SP100: variants seen among roughly 807,000 people sequenced by gnomAD.
SP100 encodes the protein SP100 nuclear body protein.
In SP100, 84 loss-of-function variants were observed where a neutral mutation model predicts 130.0. The observed-to-expected ratio is 0.65, with a 90% CI of 0.54 to 0.77. SP100 has a LOEUF of 0.77. Among genes scored for constraint, SP100 ranks in the 30% least tolerant of loss-of-function variants. SP100 has a pLI of 0.00. For missense variants in SP100, 978 were observed against 1,052.2 expected (o/e 0.93, Z 0.97); for synonymous variants, 331 against 351.7 (o/e 0.94, Z 0.66).
chr2:230,463,000 A>G (rs1023093601), intron 10 of SP100, among the ~76,000 whole-genome samples: 5 of 152,266 alleles, frequency 3.3e-5, no homozygotes, highest in African/African-American at 1.2e-4. Context: ...GAGATAAAGT[A>G]TTCTGAAACT....
intron 6 of SP100, 39 bp downstream of exon 6, chr2:230,449,189 C>G: frequency 6.2e-7 from 1 of 1,609,506 alleles, no homozygotes; most frequent in Non-Finnish European, 8.5e-7. Context: ...CTCTGCTATT[C>G]TTGCCCCTTT....
intron 24 of SP100, among the ~76,000 whole-genome samples, chr2:230,514,533 T>G (rs1056229992): frequency 1.3e-5 from 2 of 152,224 alleles, no homozygotes; most frequent in Non-Finnish European, 1.5e-5. Flanking sequence ...AACTATGCTA[T>G]AATTTTCTTC....
Position 230,477,006 on chromosome 2 carries a change from C to G in SP100, c.1600+2559C>G, listed in dbSNP as rs182689937. Among the ~76,000 whole-genome samples, 145 of 152,106 alleles carry G rather than the reference C, an allele frequency of 9.5e-4. 1 individual carries two copies. Among genetic ancestry groups the G allele is most frequent in the African/African-American group, 3.4e-3 (142 of 41,482 alleles). ...TCAGCCTCCCGAGTAGCTAGGATTA[C>G]AGGTACCTGCCACCACACCCGGCTA... On this transcript the variant is annotated intron_variant, in intron 17 of 28. Transcript: ENST00000340126.
intron 24 of SP100, among the ~76,000 whole-genome samples, chr2:230,526,906 C>T (rs527276189): frequency 6.6e-6 from 1 of 152,204 alleles, no homozygotes; most frequent in African/African-American, 2.4e-5. Context: ...ACAAAGCCTC[C>T]AAGAAATATG....
At chr2:230,480,442 T>C (rs144953643) in intron 17 of SP100, among the ~76,000 whole-genome samples, 89 of 152,372 alleles carry the variant, frequency 5.8e-4, no homozygotes, top group African/African-American at 2.0e-3. Flanking sequence ...TTGCTCTTTG[T>C]CATAAGTAAT....
At chr2:230,522,784 C>G (rs1385060749) in intron 24 of SP100, among the ~76,000 whole-genome samples, 3 of 151,346 alleles carry the variant, frequency 2.0e-5, no homozygotes, top group Middle Eastern at 7.0e-3. Context: ...CACTGGCACC[C>G]AGCCCCAGTG....
chr2:230,449,584 C>T lies in SP100; in HGVS notation c.610C>T (p.Leu204Phe). Residue 204 changes from leucine (L) to phenylalanine (F), a missense_variant, in exon 7 of 29, where the codon CTC becomes TTC. Coordinates refer to ENST00000340126, the MANE Select transcript of SP100 (RefSeq NM_001080391.2). ...HAGTTPPENGLSEHPCETEQI... is the reference protein window; with the variant it reads ...HAGTTPPENGFSEHPCETEQI... ...AGGTACAACCCCACCTGAAAATGGA[C>T]TCTCAGAGCACCCCTGTGAAACAGA... 1 of 1,614,082 alleles carries T rather than the reference C, an allele frequency of 6.2e-7. No homozygotes were observed. Among genetic ancestry groups the T allele is most frequent in the Non-Finnish European group, 8.5e-7 (1 of 1,179,982 alleles).
At chr2:230,416,387 C>T (rs1046560689) in intron 1 of SP100, 59 bp downstream of exon 1, 2 of 1,457,942 alleles carry the variant, frequency 1.4e-6, no homozygotes, top group Non-Finnish European at 1.9e-6. Flanking sequence ...AGCTTTCATG[C>T]CTTTAGTTCA....
chr2:230,504,444 A>G (rs1186955018), intron 21 of SP100, among the ~76,000 whole-genome samples, 154 bp downstream of exon 21: 3 of 152,278 alleles, frequency 2.0e-5, no homozygotes, highest in Non-Finnish European at 4.4e-5. Flanking sequence ...GGACATCATC[A>G]CATTTACAGC....
chr2:230,518,252 C>G (rs940482028), intron 24 of SP100, among the ~76,000 whole-genome samples: 29 of 152,046 alleles, frequency 1.9e-4, no homozygotes, highest in African/African-American at 6.7e-4. Flanking sequence ...TTAAATAACC[C>G]CTGAATTAAA....
chr2:230,500,840 C>T (rs2066980654), intron 19 of SP100, among the ~76,000 whole-genome samples: 11 of 152,162 alleles, frequency 7.2e-5, no homozygotes, highest in Admixed American at 7.2e-4. Flanking sequence ...GTCTTTGAAA[C>T]TGATCGATCT....
At chr2:230,497,379 G>T (rs1485286899) in intron 18 of SP100, among the ~76,000 whole-genome samples, 1 of 148,030 alleles carries the variant, frequency 6.8e-6, no homozygotes, top group Admixed American at 7.0e-5. Flanking sequence ...TATAAAGAAA[G>T]AAAGGAAAGA....
At chr2:230,509,736 T>C (rs1690433354) in intron 23 of SP100, 1 of 152,182 alleles carries the variant, frequency 6.6e-6, no homozygotes. Context: ...GCTTATAAGT[T>C]TTTTGTTAAA....
intron 20 of SP100, among the ~76,000 whole-genome samples, chr2:230,503,401 T>A (rs2067145066): frequency 6.6e-6 from 1 of 152,202 alleles, no homozygotes; most frequent in East Asian, 1.9e-4. Context: ...CATGTGACAA[T>A]TTGATACTTT....
At position 230,540,888 on chromosome 2, in the gene SP100, T is replaced by C; in HGVS notation, c.2223T>C (p.Ser741=). 1 of 1,611,354 alleles carries C rather than the reference T, an allele frequency of 6.2e-7. No homozygotes were observed. Among genetic ancestry groups the C allele is most frequent in the Non-Finnish European group, 8.5e-7 (1 of 1,178,350 alleles). ...CCCCATCTCTCAGGAACCCGTGGAG[T>C]TGCATCTTCTGCAGGATAAAGACTA... The part of the protein sequence containing the change: ...PSVEANKNPW[S]CIFCRIKTIQ... Residue 741 remains serine (S), a synonymous_variant, in exon 26 of 29, where the codon AGT becomes AGC. Coordinates refer to ENST00000340126, the MANE Select transcript of SP100 (RefSeq NM_001080391.2).
chr2:230,479,307 G>T (rs1414891505), intron 17 of SP100, among the ~76,000 whole-genome samples: 1 of 152,190 alleles, frequency 6.6e-6, no homozygotes, highest in Non-Finnish European at 1.5e-5. Flanking sequence ...ACTACATCTT[G>T]TGTAATATTT....
chr2:230,439,111 G>A (rs1351460907), intron 2 of SP100, among the ~76,000 whole-genome samples: 1 of 152,106 alleles, frequency 6.6e-6, no homozygotes, highest in African/African-American at 2.4e-5. Context: ...TAGTGATGTT[G>A]AGAATTTTTT....
intron 24 of SP100, among the ~76,000 whole-genome samples, chr2:230,513,824 A>C (rs1279810267): frequency 2.0e-5 from 3 of 152,252 alleles, no homozygotes; most frequent in Non-Finnish European, 4.4e-5. Context: ...TAGCCAAGAA[A>C]ATAAACTATG....
chr2:230,487,282 TC>T (rs1180893927), intron 17 of SP100, among the ~76,000 whole-genome samples: 1 of 152,242 alleles, frequency 6.6e-6, no homozygotes, highest in Non-Finnish European at 1.5e-5. Context: ...TATGTTTTCT[TC>T]CAGGGATTTT....
Sources: gnomAD v4.1 joint callset for allele counts (sites outside exome capture counted in the v4.1 genomes callset) on GRCh38, gnomAD v4.1.1 for gene constraint, MANE v1.5 for transcripts, NCBI Gene and HGNC (gene_info 2026-07-23, HGNC 2026-07-21) for gene names.